Variants in CPEB4 observed in about 807,000 individuals in gnomAD.
The protein encoded by CPEB4 is cytoplasmic polyadenylation element-binding protein 4.
A neutral mutation model predicts 72.5 loss-of-function variants in CPEB4; 12 were observed. The ratio of observed to expected loss-of-function variants is 0.17; its 90% CI spans 0.11 to 0.27. The LOEUF is 0.27. CPEB4 is among the 10% of genes least tolerant of loss of function. CPEB4 has a pLI of 1.00. For synonymous variants in CPEB4, 302 were observed against 326.3 expected (o/e 0.93, Z 0.80); for missense variants, 614 against 908.5 (o/e 0.68, Z 4.17).
At chr5:173,905,056 C>G (rs1249907331) in intron 1 of CPEB4, among the ~76,000 whole-genome samples, 1 of 150,214 alleles carries the variant, frequency 6.7e-6, no homozygotes, top group Non-Finnish European at 1.5e-5. Flanking sequence ...TTAATTAAGA[C>G]AGTGTTTATC....
In CPEB4 at chr5:173,889,986, C is replaced by A; in HGVS notation, c.253C>A (p.Gln85Lys). The change falls in exon 1 of 10, where the codon CAG (glutamine) becomes AAG (lysine). Residue 85 changes from glutamine to lysine, a missense_variant. Gln to Lys is a moderately conservative substitution (Grantham distance 53). Transcript: ENST00000265085. ...GTCAGAAAAAGCAAAAAGTCAGCAA[C>A]AGGAACAGCAAGACCCCTTAGAAAA... ...LGSEKAKSQQQEQQDPLEKQQ... is the reference protein window; with the variant it reads ...LGSEKAKSQQKEQQDPLEKQQ... 3 of 1,614,152 alleles carry A rather than the reference C, an allele frequency of 1.9e-6. No individual in the cohort carries two copies. The highest frequency in any genetic ancestry group is 2.5e-6 in the Non-Finnish European group (3 of 1,180,030).
chr5:173,921,539 A>T (rs1207293926), intron 2 of CPEB4, among the ~76,000 whole-genome samples: 3 of 152,144 alleles, frequency 2.0e-5, no homozygotes, highest in African/African-American at 4.8e-5. Context: ...AGCCATCTTT[A>T]TTCCTTTGTA....
At chr5:173,932,404 A>G (rs1757477984) in intron 2 of CPEB4, 46 bp from the exon 3 acceptor site, 2 of 1,489,618 alleles carry the variant, frequency 1.3e-6, no homozygotes, top group African/African-American at 1.4e-5. Context: ...AGTTTAAACC[A>G]TCTATGAAAA....
At chr5:173,938,653 A>G (rs1008878705) in intron 3 of CPEB4, among the ~76,000 whole-genome samples, 2 of 152,178 alleles carry the variant, frequency 1.3e-5, no homozygotes, top group African/African-American at 4.8e-5. Context: ...AGCCTAAGGT[A>G]GATCAGCGTA....
At chr5:173,928,464 A>T (rs183597643) in intron 2 of CPEB4, among the ~76,000 whole-genome samples, 141 of 152,258 alleles carry the variant, frequency 9.3e-4, no homozygotes, top group African/African-American at 3.1e-3. Context: ...AAAATGCTCT[A>T]AAAAAATGAC....
intron 2 of CPEB4, among the ~76,000 whole-genome samples, chr5:173,930,879 C>T (rs945696007): frequency 6.6e-6 from 1 of 150,690 alleles, no homozygotes; most frequent in African/African-American, 2.4e-5. Flanking sequence ...GTCCCAGCTA[C>T]TTGGGAGGCT....
At chr5:173,944,777 G>A (rs2113276471) in intron 4 of CPEB4, among the ~76,000 whole-genome samples, 190 bp from the exon 5 acceptor site, 1 of 152,316 alleles carries the variant, frequency 6.6e-6, no homozygotes, top group East Asian at 1.9e-4. Flanking sequence ...TTAACTGTGT[G>A]CTTTCTCTCT....
intron 3 of CPEB4, among the ~76,000 whole-genome samples, chr5:173,941,295 G>A (rs1432612588): frequency 2.0e-5 from 3 of 152,140 alleles, no homozygotes; most frequent in Non-Finnish European, 2.9e-5. Context: ...GATTAAGTCA[G>A]AAAATACCTA....
At chr5:173,894,803 G>T (rs1054904509) in intron 1 of CPEB4, among the ~76,000 whole-genome samples, 2 of 152,014 alleles carry the variant, frequency 1.3e-5, no homozygotes, top group Non-Finnish European at 2.9e-5. Flanking sequence ...ATATGGCAGG[G>T]GGATAGTGGG....
Position 173,956,149 on chromosome 5 carries a change from A to G in CPEB4, c.*12A>G. 2 of 1,608,300 alleles carry G rather than the reference A, an allele frequency of 1.2e-6. No individual in the cohort carries two copies. Among genetic ancestry groups the G allele is most frequent in the Non-Finnish European group, 1.7e-6 (2 of 1,174,978 alleles). ...TCCGCTGGAACTAAAGGATAACTGC[A>G]GTGCTCATTTTCAGGCCTCAGAATA... On this transcript the variant is annotated 3_prime_UTR_variant, in exon 10 of 10. Transcript: ENST00000265085.
chr5:173,895,002 T>C (rs1015068853), intron 1 of CPEB4, among the ~76,000 whole-genome samples: 7 of 152,234 alleles, frequency 4.6e-5, no homozygotes, highest in African/African-American at 1.7e-4. Flanking sequence ...TGCTTTTGTT[T>C]TAAATTTTGA....
intron 9 of CPEB4, among the ~76,000 whole-genome samples, chr5:173,954,369 A>C (rs1758310582): frequency 6.6e-6 from 1 of 152,132 alleles, no homozygotes; most frequent in South Asian, 2.1e-4. Flanking sequence ...TTAGTATGTT[A>C]ACATGCCTAC....
At chr5:173,953,923 G>A (rs1237267161) in intron 9 of CPEB4, among the ~76,000 whole-genome samples, 2 of 152,044 alleles carry the variant, frequency 1.3e-5, no homozygotes, top group African/African-American at 2.4e-5. Flanking sequence ...CCTCCAGTCT[G>A]TAAACTTAGT....
intron 1 of CPEB4, among the ~76,000 whole-genome samples, chr5:173,896,991 T>C (rs1053800266): frequency 2.0e-5 from 3 of 152,252 alleles, no homozygotes; most frequent in African/African-American, 7.2e-5. Context: ...TTAGGTTGAT[T>C]AACTTTTTAA....
At position 173,889,259 on chromosome 5, in the gene CPEB4, A is replaced by G. The variant is rs920713071; in HGVS notation, c.-475A>G. ...AAGAACGTATTCCCCTCTTAGTCCT[A>G]TTCTAATTTTTATGTGAGTGAATCT... On this transcript the variant is annotated 5_prime_UTR_variant, in exon 1 of 10. Coordinates refer to ENST00000265085, the MANE Select transcript of CPEB4 (RefSeq NM_030627.4). The G allele has an allele frequency of 1.3e-5, 2 of 152,014 alleles. No individual in the cohort carries two copies. The highest frequency in any genetic ancestry group is 4.8e-5 in the African/African-American group (2 of 41,340). The allele number at this position is 152,014 out of a possible 1,614,324, so 9.4% of individuals were successfully genotyped here. A position where few individuals can be genotyped will look rare whatever the true frequency, so the allele number is the denominator to read the frequency against.
rs919741794 is a variant in CPEB4, at chr5:173,906,138, A to G, written c.1126-4385A>G. The stretch of plus-strand genomic sequence containing the variant: ...TCAGTGGTTATATTTGATCCAATTA[A>G]CAATTTAAAAAGGCAAAATTGAAGA... On this transcript the variant is annotated intron_variant, in intron 1 of 9. Coordinates refer to ENST00000265085, the MANE Select transcript of CPEB4 (RefSeq NM_030627.4). Among the ~76,000 whole-genome samples, 3 of 152,232 alleles carry G rather than the reference A, an allele frequency of 2.0e-5. No homozygotes were observed. The South Asian group carries it at 6.2e-4, about 31-fold the overall frequency.
chr5:173,928,096 G>A (rs1425487988), intron 2 of CPEB4, among the ~76,000 whole-genome samples: 1 of 152,148 alleles, frequency 6.6e-6, no homozygotes, highest in Non-Finnish European at 1.5e-5. Context: ...TCTGGAAAAG[G>A]CAAGTCTGTG....
intron 3 of CPEB4, 101 bp downstream of exon 3, chr5:173,932,601 C>A (rs986368458): frequency 2.5e-6 from 2 of 786,196 alleles, no homozygotes; most frequent in African/African-American, 3.6e-5. Context: ...GTAATGATAA[C>A]TGTAAGTTGC....
Position 173,956,603 on chromosome 5 carries a change from CTT to C in CPEB4, c.*481_*482del, listed in dbSNP as rs55771761. 1.1e-4 allele frequency: 14 copies of C among 133,052 alleles called. No homozygotes were observed. Among genetic ancestry groups the C allele is most frequent in the South Asian group, 2.5e-4 (1 of 4,068 alleles). The allele number at this position is 133,052 out of a possible 1,614,324, so 8.2% of individuals were successfully genotyped here. On this transcript the variant is annotated 3_prime_UTR_variant, in exon 10 of 10. Coordinates refer to ENST00000265085, the MANE Select transcript of CPEB4 (RefSeq NM_030627.4). ...GGGAAGTGCTTTTGCCTTTTCCTTT[CTT>C]TTTTTTTTTTTTTTCATCTTTTTTG... is the stretch of plus-strand genomic sequence containing the variant.
Sources: allele counts gnomAD v4.1 joint callset (sites outside exome capture counted in the v4.1 genomes callset), GRCh38; gene constraint gnomAD v4.1.1; transcripts MANE v1.5; gene names NCBI Gene and HGNC (gene_info 2026-07-23, HGNC 2026-07-21).